Variants in LAMA2 observed in about 807,000 individuals in gnomAD.
LAMA2 encodes laminin subunit alpha-2.
In LAMA2, 269 loss-of-function variants were observed where a neutral mutation model predicts 364.8. That is an observed-to-expected ratio of 0.74 (90% CI 0.67 to 0.82). The LOEUF (loss-of-function observed/expected upper bound fraction) is 0.82, where lower values mean the gene tolerates loss of function less well. LAMA2 is among the 40% of genes least tolerant of loss of function. LAMA2 has a pLI of 0.00. For missense variants in LAMA2, 3,807 were observed against 3,873.2 expected (o/e 0.98, Z 0.45); for synonymous variants, 1,379 against 1,370.6 (o/e 1.01, Z -0.14).
At chr6:129,049,867 A>G (rs747570979) in intron 1 of LAMA2, 51 bp from the exon 2 acceptor site, 7 of 1,531,136 alleles carry the variant, frequency 4.6e-6, no homozygotes, top group African/African-American at 1.4e-5. Context: ...ATGTATCAAA[A>G]TCCTAACTTT....
At chr6:129,513,937 C>T (rs1786810089) in intron 63 of LAMA2, among the ~76,000 whole-genome samples, 1 of 152,052 alleles carries the variant, frequency 6.6e-6, no homozygotes, top group Admixed American at 6.6e-5. Context: ...TTTAAAAAAT[C>T]CTTTACTTTG....
chr6:128,986,117 A>G (rs1049097408), intron 1 of LAMA2, among the ~76,000 whole-genome samples: 1 of 152,078 alleles, frequency 6.6e-6, no homozygotes, highest in African/African-American at 2.4e-5. Flanking sequence ...AATATATTTG[A>G]TATGTTTCGA....
chr6:129,416,510 G>A (rs1326813440), intron 40 of LAMA2, among the ~76,000 whole-genome samples: 2 of 152,182 alleles, frequency 1.3e-5, no homozygotes, highest in African/African-American at 4.8e-5. Flanking sequence ...AGGGCACACA[G>A]CATGGTGAGC....
chr6:129,332,444 C>G (rs1034944819), intron 29 of LAMA2, among the ~76,000 whole-genome samples: 1 of 152,078 alleles, frequency 6.6e-6, no homozygotes, highest in African/African-American at 2.4e-5. Flanking sequence ...CTCTTCTCTT[C>G]TAATTAACTA....
chr6:129,264,289 A>G (rs1035033690), intron 15 of LAMA2, among the ~76,000 whole-genome samples: 3 of 152,112 alleles, frequency 2.0e-5, no homozygotes, highest in Non-Finnish European at 4.4e-5. Context: ...GATTAAAGAA[A>G]TAAAGAGTTT....
At chr6:129,041,948 A>C (rs1787126405) in intron 1 of LAMA2, among the ~76,000 whole-genome samples, 1 of 150,958 alleles carries the variant, frequency 6.6e-6, no homozygotes. Context: ...ACAGTGAAGT[A>C]TTATAATCAT....
chr6:129,444,070 A>G (rs1197046943), intron 44 of LAMA2, among the ~76,000 whole-genome samples: 1 of 152,180 alleles, frequency 6.6e-6, no homozygotes, highest in African/African-American at 2.4e-5. Context: ...TTCATCAAGA[A>G]AAATAAAGGA....
intron 4 of LAMA2, among the ~76,000 whole-genome samples, chr6:129,103,845 A>G (rs1412989074): frequency 6.6e-6 from 1 of 152,070 alleles, no homozygotes; most frequent in African/African-American, 2.4e-5. Context: ...TATATTTTAG[A>G]TAGATTTTTA....
At chr6:128,890,986 A>G (rs934553322) in intron 1 of LAMA2, among the ~76,000 whole-genome samples, 3 of 152,098 alleles carry the variant, frequency 2.0e-5, no homozygotes, top group South Asian at 2.1e-4. Flanking sequence ...AAGTCTTCCA[A>G]TCTCCCAGAT....
At position 129,314,727 on chromosome 6, in the gene LAMA2, G is replaced by A. The variant is rs1774468014; in HGVS notation, c.3484G>A (p.Gly1162Ser). 1.2e-6 allele frequency: 2 copies of A among 1,613,948 alleles called. No homozygotes were observed. The highest frequency in any genetic ancestry group is 8.5e-7 in the Non-Finnish European group (1 of 1,180,020). ...KFGLDAKNPLGCSSCYCFGTT... is the reference protein window; with the variant it reads ...KFGLDAKNPLSCSSCYCFGTT... ...CGGACTCGATGCCAAGAATCCACTT[G>A]GCTGCAGCAGCTGCTATTGCTTCGG... is the stretch of plus-strand genomic sequence containing the variant. Residue 1162 changes from glycine to serine, a missense_variant, in exon 24 of 65, where the codon GGC becomes AGC. This residue lies in a region of LAMA2 where 3,333 missense variants were observed against 3,345.7 expected (regional missense o/e 1.00). Coordinates refer to ENST00000421865, the MANE Select transcript of LAMA2 (RefSeq NM_000426.4).
intron 58 of LAMA2, among the ~76,000 whole-genome samples, chr6:129,494,354 T>A (rs543128415): frequency 6.6e-6 from 1 of 152,374 alleles, no homozygotes; most frequent in South Asian, 2.1e-4. Context: ...GGTTATTTAC[T>A]CCAAGCATCC....
chr6:128,926,140 C>T (rs1779078031), intron 1 of LAMA2, among the ~76,000 whole-genome samples: 1 of 151,982 alleles, frequency 6.6e-6, no homozygotes, highest in Non-Finnish European at 1.5e-5. Flanking sequence ...AGTTGTGTGC[C>T]TTTTTTCTTT....
chr6:129,252,575 T>G (rs1786345216), intron 14 of LAMA2, among the ~76,000 whole-genome samples: 1 of 152,236 alleles, frequency 6.6e-6, no homozygotes, highest in Non-Finnish European at 1.5e-5. Context: ...AATGTTATAT[T>G]GGAAAATAAA....
intron 1 of LAMA2, among the ~76,000 whole-genome samples, chr6:128,956,466 G>A (rs1267871974): frequency 6.6e-6 from 1 of 151,976 alleles, no homozygotes; most frequent in Non-Finnish European, 1.5e-5. Context: ...TCCAAGAGTG[G>A]AGGTGAAACA....
At chr6:129,482,043 T>C (rs1259937345) in intron 55 of LAMA2, among the ~76,000 whole-genome samples, 2 of 152,154 alleles carry the variant, frequency 1.3e-5, no homozygotes, top group Non-Finnish European at 2.9e-5. Context: ...TAGTGGCCCA[T>C]GTCTGTAATC....
At chr6:129,129,187 C>T (rs1320951714) in intron 4 of LAMA2, among the ~76,000 whole-genome samples, 2 of 152,132 alleles carry the variant, frequency 1.3e-5, no homozygotes, top group African/African-American at 4.8e-5. Context: ...TAGTCTTCCT[C>T]ATGCCATTTA....
chr6:128,977,289 T>G (rs1782592839), intron 1 of LAMA2, among the ~76,000 whole-genome samples: 1 of 150,430 alleles, frequency 6.6e-6, no homozygotes, highest in Non-Finnish European at 1.5e-5. Context: ...TTTCAAGGTC[T>G]TGACGTGTTG....
At chr6:129,334,789 T>C (rs1775852613) in intron 29 of LAMA2, among the ~76,000 whole-genome samples, 1 of 152,136 alleles carries the variant, frequency 6.6e-6, no homozygotes. Context: ...TCTTCACGTG[T>C]TGGAAGGCAC....
Position 129,280,098 on chromosome 6 carries a change from T to A in LAMA2, c.2488T>A (p.Leu830Met). Residue 830 changes from leucine (L) to methionine (M), a missense_variant, in exon 18 of 65, where the codon TTG becomes ATG. Leu to Met is a conservative substitution (Grantham distance 15). Coordinates refer to ENST00000421865, the MANE Select transcript of LAMA2 (RefSeq NM_000426.4). ...GTGCCATTTAGACCGGAGTCTTGGA[T>A]TGATCTGTGATGGATGCCCTGTCGG... ...PTCHLDRSLG[L>M]ICDGCPVGYT... 2.5e-6 allele frequency: 4 copies of A among 1,613,568 alleles called. No homozygotes were observed. The highest frequency in any genetic ancestry group is 3.4e-6 in the Non-Finnish European group (4 of 1,179,640).
Sources: allele counts gnomAD v4.1 joint callset (sites outside exome capture counted in the v4.1 genomes callset), GRCh38; gene constraint gnomAD v4.1.1; regional missense constraint gnomAD v4.1.1; transcripts MANE v1.5; gene names NCBI Gene and HGNC (gene_info 2026-07-23, HGNC 2026-07-21).